Variants in LETM1 observed in about 807,000 individuals in gnomAD.
The protein encoded by LETM1 is leucine zipper and EF-hand containing transmembrane protein 1.
LETM1 carries 50 observed loss-of-function variants against 74.5 expected under a neutral mutation model. The ratio of observed to expected loss-of-function variants is 0.67; its 90% CI spans 0.53 to 0.85. The LOEUF (loss-of-function observed/expected upper bound fraction) is 0.85. Ranked by LOEUF, LETM1 falls within the 40% of genes least tolerant of loss-of-function variation. LETM1 has a pLI of 0.00. For missense variants in LETM1, 824 were observed against 967.8 expected (o/e 0.85, Z 1.97); for synonymous variants, 446 against 407.1 (o/e 1.10, Z -1.15).
At chr4:1,849,951 G>A (rs1713012195) in intron 1 of LETM1, among the ~76,000 whole-genome samples, 1 of 152,148 alleles carries the variant, frequency 6.6e-6, no homozygotes. Flanking sequence ...GAGGCCAGGA[G>A]TTCAAGACCA....
intron 6 of LETM1, among the ~76,000 whole-genome samples, chr4:1,826,751 T>C (rs958879360): frequency 6.6e-6 from 1 of 152,256 alleles, no homozygotes; most frequent in Non-Finnish European, 1.5e-5. Context: ...ATGAAGATGC[T>C]TTCTGTCTGC....
chr4:1,825,175 C>G (rs1218849649), intron 7 of LETM1, among the ~76,000 whole-genome samples: 1 of 152,328 alleles, frequency 6.6e-6, no homozygotes, highest in South Asian at 2.1e-4. Flanking sequence ...AAAGTCAGAC[C>G]GTGCCATGCC....
chr4:1,855,902 G>A lies in LETM1; in HGVS notation c.49C>T (p.Leu17Phe). ...RSCRGRAPAR[L>F]PPPPRYTVPR... ...ACGGTGTACCGAGGCGGCGGCGGGA[G>A]GCGGGCGGGCGCCCGGCCGCGGCAG... Residue 17 changes from leucine (L) to phenylalanine (F), a missense_variant, in exon 1 of 14, where the codon CTC becomes TTC. Physicochemically the swap from Leu to Phe is conservative, Grantham distance 22. Coordinates refer to ENST00000302787, the MANE Select transcript of LETM1 (RefSeq NM_012318.3). 1 of 1,239,594 alleles carries A rather than the reference G, an allele frequency of 8.1e-7. No homozygotes were observed. The highest frequency in any genetic ancestry group is 1.0e-6 in the Non-Finnish European group (1 of 994,744). The allele number at this position is 1,239,594 out of a possible 1,614,324, so 76.8% of individuals were successfully genotyped here.
At chr4:1,835,167 G>A (rs972363814) in intron 4 of LETM1, among the ~76,000 whole-genome samples, 185 bp from the exon 5 acceptor site, 2 of 152,184 alleles carry the variant, frequency 1.3e-5, no homozygotes, top group African/African-American at 4.8e-5. Flanking sequence ...CGTGTGGGCC[G>A]GGCACAGTGG....
At chr4:1,822,678 T>C (rs1312060295) in intron 9 of LETM1, 6 of 350,106 alleles carry the variant, frequency 1.7e-5, no homozygotes, top group Non-Finnish European at 2.0e-5. Flanking sequence ...CTGCAGCTCC[T>C]CTGCCAGCGC....
chr4:1,836,505 A>G lies in LETM1; in HGVS notation c.662T>C (p.Met221Thr), dbSNP rs1712466632. 5 of 1,614,076 alleles carry G rather than the reference A, an allele frequency of 3.1e-6. No individual in the cohort carries two copies. The East Asian group carries it at 6.7e-5, about 22-fold the overall frequency. Residue 221 changes from methionine to threonine, a missense_variant, in exon 4 of 14, where the codon ATG becomes ACG. Met to Thr is a moderately conservative substitution (Grantham distance 81). Around this residue, in one of 4 missense-constraint regions of LETM1, gnomAD observed 269 missense variants for 348.8 expected, o/e 0.77. Coordinates refer to ENST00000302787, the MANE Select transcript of LETM1 (RefSeq NM_012318.3). This position sits in a 1 kb window ranked among gnomAD's most constrained non-coding sequence, Gnocchi z 5.8. ...CACAGCAACAGGCAGCAGAAACTCC[A>G]TGAACGGCACCACCACGAACACAAG... ...PFLVFVVVPFMEFLLPVAVKL... is the reference protein window; with the variant it reads ...PFLVFVVVPFTEFLLPVAVKL...
intron 12 of LETM1, among the ~76,000 whole-genome samples, chr4:1,816,119 C>T (rs962394365): frequency 4.6e-5 from 7 of 152,382 alleles, no homozygotes; most frequent in South Asian, 2.1e-4. Context: ...CTTGGCAATA[C>T]GTTCACGATC....
intron 2 of LETM1, among the ~76,000 whole-genome samples, chr4:1,842,330 A>G (rs1712730978): frequency 1.3e-5 from 2 of 152,136 alleles, no homozygotes; most frequent in South Asian, 2.1e-4. Flanking sequence ...ACCAGAGCAA[A>G]ACAACAAAAT....
Position 1,834,897 on chromosome 4 carries a change from T to C in LETM1, c.824A>G (p.Asn275Ser), listed in dbSNP as rs1255824700. 1 of 1,614,198 alleles carries C rather than the reference T, an allele frequency of 6.2e-7. No homozygotes were observed. Among genetic ancestry groups the C allele is most frequent in the South Asian group, 1.1e-5 (1 of 91,090 alleles). The change falls in exon 5 of 14, where the codon AAC becomes AGC. Residue 275 changes from asparagine to serine, a missense_variant. This residue lies in a region of LETM1 where 269 missense variants were observed against 348.8 expected (regional missense o/e 0.77). Transcript: ENST00000302787. The surrounding 1 kb of genome is among the most constrained non-coding windows in gnomAD (Gnocchi z 5.0). ...GGTGGCGCTGCCCTTGGCTGCCTTG[T>C]TCTTCAAGGCCATCTCCTCGATGGT... ...QDTIEEMALK[N>S]KAAKGSATKD...
Position 1,823,632 on chromosome 4 carries a change from G to T in LETM1, c.1332+12C>A, listed in dbSNP as rs562864428. On this transcript the variant is annotated intron_variant, in intron 8 of 13. Transcript: ENST00000302787. ...AAGAGATGAGGTAAAAGGGGTCTCCGACAGCACGTACCACAATCTCTGGGA... is the reference window on the plus strand; with the variant it reads ...AAGAGATGAGGTAAAAGGGGTCTCCTACAGCACGTACCACAATCTCTGGGA... The T allele has an allele frequency of 1.9e-6, 3 of 1,613,160 alleles. No homozygotes were observed. The South Asian group carries it at 3.3e-5, about 18-fold the overall frequency.
At chr4:1,825,132 G>C (rs1170349617) in intron 7 of LETM1, among the ~76,000 whole-genome samples, 3 of 152,226 alleles carry the variant, frequency 2.0e-5, no homozygotes, top group Non-Finnish European at 4.4e-5. Context: ...CCAGGCACCA[G>C]CACAGGGCGT....
At chr4:1,842,539 G>A (rs1016812446) in intron 2 of LETM1, among the ~76,000 whole-genome samples, 5 of 152,180 alleles carry the variant, frequency 3.3e-5, no homozygotes, top group African/African-American at 9.7e-5. Context: ...CTCCTAGCGG[G>A]TGCCCTGCTG....
At chr4:1,850,610 T>G (rs1216521725) in intron 1 of LETM1, among the ~76,000 whole-genome samples, 2 of 134,962 alleles carry the variant, frequency 1.5e-5, no homozygotes, top group African/African-American at 5.9e-5. Context: ...ACCACTGAAC[T>G]GCAGCCTGGG....
At position 1,841,478 on chromosome 4, in the gene LETM1, G is replaced by T; in HGVS notation, c.463C>A (p.Gln155Lys). ...TGCTTCAGCTCGTCCAGCACCCGCTGCCCCAGGGACTTCTTCACCACCACC... is the reference window on the plus strand; with the variant it reads ...TGCTTCAGCTCGTCCAGCACCCGCTTCCCCAGGGACTTCTTCACCACCACC... ...AEVVVKKSLG[Q>K]RVLDELKHYY... The change falls in exon 3 of 14, where the codon CAG becomes AAG. Residue 155 changes from glutamine (Q) to lysine (K), a missense_variant. By Grantham distance (53) the Gln-to-Lys change is moderately conservative. Transcript: ENST00000302787. The T allele has an allele frequency of 6.2e-7, 1 of 1,614,236 alleles. No homozygotes were observed. Among genetic ancestry groups the T allele is most frequent in the Non-Finnish European group, 8.5e-7 (1 of 1,180,040 alleles).
chr4:1,822,541 C>A (rs1577312086), intron 9 of LETM1: 1 of 391,596 alleles, frequency 2.6e-6, no homozygotes, highest in Non-Finnish European at 4.4e-6. Flanking sequence ...TCTGGTCTCC[C>A]CAAGACTCCC....
intron 3 of LETM1, among the ~76,000 whole-genome samples, chr4:1,838,719 G>A (rs917771036): frequency 1.3e-5 from 2 of 152,112 alleles, no homozygotes; most frequent in African/African-American, 2.4e-5. Context: ...CCACAAAAAC[G>A]TAATATAAAC....
At chr4:1,818,750 T>C (rs2108836053) in intron 11 of LETM1, among the ~76,000 whole-genome samples, 1 of 152,178 alleles carries the variant, frequency 6.6e-6, no homozygotes, top group South Asian at 2.1e-4. Flanking sequence ...TCTCGTCAAG[T>C]GACCAAACTC....
At chr4:1,820,759 C>T (rs1319466141) in intron 10 of LETM1, among the ~76,000 whole-genome samples, 1 of 152,176 alleles carries the variant, frequency 6.6e-6, no homozygotes, top group Non-Finnish European at 1.5e-5. Context: ...CACAGTGGCT[C>T]AAGCCTGTAA....
At chr4:1,833,061 T>TGAC in intron 5 of LETM1, 114 bp from the exon 6 acceptor site, 2 of 831,860 alleles carry the variant, frequency 2.4e-6, no homozygotes, top group African/African-American at 1.7e-5. Context: ...CTCAAACCAC[T>TGAC]GACTACTTCT....
Sources: gnomAD v4.1 joint callset for allele counts (sites outside exome capture counted in the v4.1 genomes callset) on GRCh38, gnomAD v4.1.1 for gene constraint, gnomAD v4.1.1 regional missense constraint, Gnocchi (gnomAD v3.1) non-coding constraint, MANE v1.5 for transcripts, NCBI Gene and HGNC (gene_info 2026-07-23, HGNC 2026-07-21) for gene names.